The following CMKLR1 variants were observed in gnomAD, a reference collection of about 807,000 sequenced individuals.
The protein encoded by CMKLR1 is chemerin chemokine-like receptor 1.
In CMKLR1, 6 loss-of-function variants were observed where a neutral mutation model predicts 8.2. The observed-to-expected ratio is 0.73, with a 90% CI of 0.40 to 1.44. The LOEUF is 1.44. Ranked by LOEUF, CMKLR1 falls within the 40% of genes most tolerant of loss-of-function variation. The pLI is 0.02. For synonymous variants in CMKLR1, 178 were observed against 181.2 expected, an observed-to-expected ratio of 0.98 and a Z score of 0.14; for missense variants, 429 against 478.0, an observed-to-expected ratio of 0.90 and a Z score of 0.96.
chr12:108,300,223 C>T (rs1891232806), intron 2 of CMKLR1, among the ~76,000 whole-genome samples: 2 of 152,330 alleles, frequency 1.3e-5, no homozygotes, highest in East Asian at 1.9e-4. Context: ...GCCTGGCAGC[C>T]CTGGGCTCCA....
intron 1 of CMKLR1, among the ~76,000 whole-genome samples, chr12:108,331,432 T>C (rs1230975530): frequency 7.7e-5 from 9 of 117,214 alleles, no homozygotes; most frequent in Non-Finnish European, 1.5e-4. Flanking sequence ...AATTGGTCAA[T>C]ACTCTGCTGA....
rs1566016343 is a variant in CMKLR1 at position 108,291,790 on chromosome 12, C to T, written c.*51G>A. On this transcript the variant is annotated 3_prime_UTR_variant, in exon 4 of 4. Transcript: ENST00000550402. ...TGCCTTGATCTTCAGAAGACATATC[C>T]TTGGGTGTCCCTGGGTTGAGAGAGT... The T allele has an allele frequency of 6.5e-7, 1 of 1,546,978 alleles. No homozygotes were observed. Among genetic ancestry groups the T allele is most frequent in the Non-Finnish European group, 8.7e-7 (1 of 1,145,438 alleles).
In CMKLR1 at chr12:108,325,198, G is replaced by A. The variant is rs374898470; in HGVS notation, c.-74+4797C>T. On this transcript the variant is annotated intron_variant, in intron 2 of 3. Transcript: ENST00000550402. ...GGCTTCCAGACACCACACCCCTCGG[G>A]GAGCCAGAAGACACCCAGACAAGCC... Among the ~76,000 whole-genome samples the A allele has an allele frequency of 8.5e-4, 130 of 152,272 alleles. 6 individuals are homozygous for A. The South Asian group carries it at 0.026, about 31-fold the overall frequency.
At chr12:108,301,170 G>T (rs1412680538) in intron 2 of CMKLR1, among the ~76,000 whole-genome samples, 1 of 151,020 alleles carries the variant, frequency 6.6e-6, no homozygotes, top group Non-Finnish European at 1.5e-5. Context: ...CTGCCTCTCG[G>T]GTTCAAGTGA....
intron 2 of CMKLR1, among the ~76,000 whole-genome samples, chr12:108,318,748 C>G (rs915366113): frequency 1.3e-5 from 2 of 152,148 alleles, no homozygotes; most frequent in South Asian, 2.1e-4. Context: ...CCATAGCAGC[C>G]AGAGCCCAAG....
In CMKLR1 at chr12:108,288,441, T is replaced by G. The variant is rs1279521907; in HGVS notation, c.*3400A>C. ...ATGGTTTTCACGATTGGATTCTATC[T>G]TCTCCCACCCATCCAGGCTCCCAAC... On this transcript the variant is annotated 3_prime_UTR_variant, in exon 4 of 4. Coordinates refer to ENST00000550402, the MANE Select transcript of CMKLR1 (RefSeq NM_001142343.2). The G allele has an allele frequency of 1.3e-5, 2 of 152,256 alleles. No homozygotes were observed. The highest frequency in any genetic ancestry group is 2.9e-5 in the Non-Finnish European group (2 of 68,052). The allele number at this position is 152,256 out of a possible 1,614,324, so 9.4% of individuals were successfully genotyped here.
At chr12:108,323,905 G>C (rs566479566) in intron 2 of CMKLR1, among the ~76,000 whole-genome samples, 2 of 152,314 alleles carry the variant, frequency 1.3e-5, no homozygotes, top group African/African-American at 4.8e-5. Flanking sequence ...CCACCTGGAG[G>C]AATAGGCTGG....
At chr12:108,331,400 T>C (rs958159969) in intron 1 of CMKLR1, among the ~76,000 whole-genome samples, 3 of 151,188 alleles carry the variant, frequency 2.0e-5, no homozygotes, top group African/African-American at 4.9e-5. Context: ...GCCTCACTGG[T>C]TGCTACACTT....
chr12:108,305,205 A>G (rs919384335), intron 2 of CMKLR1, among the ~76,000 whole-genome samples: 3 of 152,188 alleles, frequency 2.0e-5, no homozygotes, highest in African/African-American at 7.2e-5. Context: ...AGAGCCTAGA[A>G]CTGTGCCTGG....
At chr12:108,324,084 A>G (rs1891925408) in intron 2 of CMKLR1, among the ~76,000 whole-genome samples, 1 of 152,152 alleles carries the variant, frequency 6.6e-6, no homozygotes, top group Admixed American at 6.5e-5. Context: ...ATCTCTGGGC[A>G]AAACCAGGCA....
intron 2 of CMKLR1, among the ~76,000 whole-genome samples, chr12:108,317,323 G>T (rs768713535): frequency 6.6e-6 from 1 of 152,140 alleles, no homozygotes; most frequent in Non-Finnish European, 1.5e-5. Flanking sequence ...CCACAAGAAC[G>T]CATTGTTTTC....
chr12:108,314,936 T>TTC (rs1566025109), intron 2 of CMKLR1, among the ~76,000 whole-genome samples: 1 of 145,986 alleles, frequency 6.8e-6, no homozygotes, highest in East Asian at 2.0e-4. Flanking sequence ...ACAGCCTTGT[T>TTC]TTTTTTTTTT....
rs994391442 is a variant in CMKLR1 at position 108,291,793 on chromosome 12, G to A, written c.*48C>T. 20 of 1,547,594 alleles carry A rather than the reference G, an allele frequency of 1.3e-5. No individual in the cohort carries two copies. The highest frequency in any genetic ancestry group is 1.6e-5 in the Non-Finnish European group (18 of 1,145,570). On this transcript the variant is annotated 3_prime_UTR_variant, in exon 4 of 4. Coordinates refer to ENST00000550402, the MANE Select transcript of CMKLR1 (RefSeq NM_001142343.2). ...CTTGATCTTCAGAAGACATATCCTT[G>A]GGTGTCCCTGGGTTGAGAGAGTCCA... is the stretch of plus-strand genomic sequence containing the variant.
chr12:108,297,769 C>T (rs1891173292), intron 2 of CMKLR1, among the ~76,000 whole-genome samples: 1 of 152,200 alleles, frequency 6.6e-6, no homozygotes, highest in Non-Finnish European at 1.5e-5. Context: ...ACTCTGACCT[C>T]CGTAAGCCTC....
chr12:108,314,353 A>T (rs1204565726), intron 2 of CMKLR1, among the ~76,000 whole-genome samples: 1 of 152,104 alleles, frequency 6.6e-6, no homozygotes, highest in East Asian at 1.9e-4. Flanking sequence ...CTAAAAACCA[A>T]ACCCACTCAG....
At position 108,292,488 on chromosome 12, in the gene CMKLR1, C is replaced by T; in HGVS notation, c.475G>A (p.Ala159Thr). Residue 159 changes from alanine to threonine, a missense_variant, in exon 4 of 4, where the codon GCC becomes ACC. Ala to Thr is a moderately conservative substitution (Grantham distance 58). Transcript: ENST00000550402. ...NHRSVRLAYM[A>T]CMVIWVLAFF... ...GCCAGGACCCAGATGACCATGCAGG[C>T]CATGTAAGCCAGGCGAACGCTGCGG... 1 of 1,614,164 alleles carries T rather than the reference C, an allele frequency of 6.2e-7. No homozygotes were observed. The highest frequency in any genetic ancestry group is 2.2e-5 in the East Asian group (1 of 44,880).
chr12:108,313,817 G>A (rs1891649120), intron 2 of CMKLR1, among the ~76,000 whole-genome samples: 1 of 152,230 alleles, frequency 6.6e-6, no homozygotes, highest in African/African-American at 2.4e-5. Context: ...TCAAGTCATT[G>A]GAAAGCTCTT....
intron 2 of CMKLR1, among the ~76,000 whole-genome samples, chr12:108,326,295 C>A (rs1387100177): frequency 6.6e-6 from 1 of 152,216 alleles, no homozygotes; most frequent in Admixed American, 6.5e-5. Flanking sequence ...AAAGCCTCCC[C>A]TTCCCTGTGT....
intron 2 of CMKLR1, among the ~76,000 whole-genome samples, chr12:108,305,803 G>A (rs1891392245): frequency 6.6e-6 from 1 of 152,298 alleles, no homozygotes; most frequent in South Asian, 2.1e-4. Context: ...GGCACGGGCT[G>A]CCTAACAGAC....
Sources: gnomAD v4.1 joint callset for allele counts (sites outside exome capture counted in the v4.1 genomes callset) on GRCh38, gnomAD v4.1.1 for gene constraint, MANE v1.5 for transcripts, NCBI Gene and HGNC (gene_info 2026-07-23, HGNC 2026-07-21) for gene names.